Variants in PTPRT observed in about 807,000 individuals in gnomAD.
PTPRT encodes protein tyrosine phosphatase receptor type T.
A neutral mutation model predicts 176.8 loss-of-function variants in PTPRT; 56 were observed. The ratio of observed to expected loss-of-function variants is 0.32; its 90% CI spans 0.26 to 0.40. The LOEUF (loss-of-function observed/expected upper bound fraction) is 0.40, where lower values mean the gene tolerates loss of function less well. Ranked by LOEUF, PTPRT falls within the 10% of genes least tolerant of loss-of-function variation. PTPRT has a pLI of 1.00. For missense variants in PTPRT, 1,540 were observed against 1,908.2 expected (o/e 0.81, Z 3.60); for synonymous variants, 783 against 739.0 (o/e 1.06, Z -0.96).
rs2146077182 is a variant in PTPRT, at chr20:42,079,195, C to G, written c.*1684G>C. ...AAGAAATTAGATGAGACTGGCTTTC[C>G]TGGGGAGCTGGGAATGTGTTACTAA... On this transcript the variant is annotated 3_prime_UTR_variant, in exon 31 of 31. Coordinates refer to ENST00000373187, the MANE Select transcript of PTPRT (RefSeq NM_007050.6). 2 of 205,274 alleles carry G rather than the reference C, an allele frequency of 9.7e-6. No homozygotes were observed. Among genetic ancestry groups the G allele is most frequent in the East Asian group, 1.5e-4 (2 of 13,620 alleles). The allele number at this position is 205,274 out of a possible 1,614,324, so 12.7% of individuals were successfully genotyped here.
intron 7 of PTPRT, among the ~76,000 whole-genome samples, chr20:42,627,167 C>G (rs537526274): frequency 6.6e-6 from 1 of 152,266 alleles, no homozygotes; most frequent in African/African-American, 2.4e-5. Flanking sequence ...TGCTTAAAGT[C>G]TCATAAAATT....
intron 16 of PTPRT, among the ~76,000 whole-genome samples, chr20:42,169,939 A>C (rs1185942894): frequency 1.3e-5 from 2 of 152,166 alleles, no homozygotes; most frequent in African/African-American, 4.8e-5. Flanking sequence ...TACGCCATCA[A>C]GGTGTTCCGA....
chr20:42,231,040 G>A (rs1000765218), intron 15 of PTPRT, among the ~76,000 whole-genome samples: 18 of 152,174 alleles, frequency 1.2e-4, no homozygotes, highest in African/African-American at 3.6e-4. Flanking sequence ...CCTGTGCACA[G>A]CACTGCTTGG....
At chr20:42,642,126 G>A (rs1179445704) in intron 7 of PTPRT, among the ~76,000 whole-genome samples, 1 of 152,188 alleles carries the variant, frequency 6.6e-6, no homozygotes, top group Non-Finnish European at 1.5e-5. Context: ...AGACAAGTGA[G>A]TGCCAAATGG....
intron 1 of PTPRT, among the ~76,000 whole-genome samples, chr20:43,019,367 T>C (rs1265875640): frequency 6.6e-6 from 1 of 152,114 alleles, no homozygotes; most frequent in Non-Finnish European, 1.5e-5. Flanking sequence ...ACACCAGTAA[T>C]CCCAGCACTT....
chr20:42,236,135 G>A (rs1031382306), intron 15 of PTPRT, 94 bp downstream of exon 15: 1 of 1,114,182 alleles, frequency 9.0e-7, no homozygotes, highest in African/African-American at 1.6e-5. Context: ...AAGTGAAAAT[G>A]AGAAACTAAC....
intron 7 of PTPRT, chr20:42,607,702 T>G (rs990084135): frequency 4.6e-5 from 7 of 152,230 alleles, no homozygotes; most frequent in African/African-American, 1.7e-4. Flanking sequence ...AGCCAGGATG[T>G]GAGGGTGATG....
At chr20:43,073,542 C>T (rs1225899425) in intron 1 of PTPRT, among the ~76,000 whole-genome samples, 4 of 151,296 alleles carry the variant, frequency 2.6e-5, no homozygotes. Context: ...GTGTATATAG[C>T]ACATGTGTTT....
At chr20:42,613,980 T>C (rs924132028) in intron 7 of PTPRT, among the ~76,000 whole-genome samples, 1 of 120,764 alleles carries the variant, frequency 8.3e-6, no homozygotes, top group African/African-American at 3.2e-5. Context: ...CAAAGTACCA[T>C]AGACTGGGTG....
chr20:42,638,623 C>T (rs2074664220), intron 7 of PTPRT, among the ~76,000 whole-genome samples: 1 of 152,070 alleles, frequency 6.6e-6, no homozygotes, highest in Non-Finnish European at 1.5e-5. Flanking sequence ...ATAGTACAAA[C>T]CCAAGTTTGA....
At chr20:42,750,128 G>T (rs886182450) in intron 6 of PTPRT, among the ~76,000 whole-genome samples, 1 of 152,176 alleles carries the variant, frequency 6.6e-6, no homozygotes, top group Non-Finnish European at 1.5e-5. Context: ...TCAGAAGAGG[G>T]AGACCTTAAG....
intron 16 of PTPRT, among the ~76,000 whole-genome samples, chr20:42,161,928 C>T (rs1265381790): frequency 6.6e-6 from 1 of 152,086 alleles, no homozygotes; most frequent in African/African-American, 2.4e-5. Flanking sequence ...GTGCCTGATG[C>T]CTGTCTGCAG....
At chr20:42,362,880 C>T (rs1036398271) in intron 9 of PTPRT, among the ~76,000 whole-genome samples, 14 of 151,796 alleles carry the variant, frequency 9.2e-5, no homozygotes, top group South Asian at 6.2e-4. Context: ...CCAAGGGGGA[C>T]GGATCATCTG....
At chr20:42,890,305 C>A (rs2079171171) in intron 1 of PTPRT, among the ~76,000 whole-genome samples, 1 of 152,136 alleles carries the variant, frequency 6.6e-6, no homozygotes, top group South Asian at 2.1e-4. Flanking sequence ...AGTTTTCTGT[C>A]TCCCACATTG....
intron 1 of PTPRT, among the ~76,000 whole-genome samples, chr20:43,139,889 G>T (rs2013949345): frequency 1.3e-5 from 2 of 152,162 alleles, no homozygotes; most frequent in South Asian, 4.1e-4. Context: ...GTACGATAAG[G>T]AGACAAAAGC....
chr20:42,199,909 CT>C (rs1991381298), intron 15 of PTPRT, among the ~76,000 whole-genome samples: 1 of 152,086 alleles, frequency 6.6e-6, no homozygotes, highest in Non-Finnish European at 1.5e-5. Context: ...AAATTTAGAG[CT>C]GAATTGATGC....
intron 6 of PTPRT, among the ~76,000 whole-genome samples, chr20:42,740,925 C>T (rs190955392): frequency 6.6e-6 from 1 of 152,304 alleles, no homozygotes; most frequent in East Asian, 1.9e-4. Context: ...CTATAAACCC[C>T]TTCCAGTACC....
chr20:42,408,604 T>TG (rs1048496163), intron 9 of PTPRT, among the ~76,000 whole-genome samples: 24 of 39,266 alleles, frequency 6.1e-4, no homozygotes, highest in African/African-American at 1.9e-3. Flanking sequence ...ATCTATCCTG[T>TG]GTTTTTTTTT....
chr20:42,827,536 C>A (rs1056645424), intron 2 of PTPRT, among the ~76,000 whole-genome samples: 1 of 152,176 alleles, frequency 6.6e-6, no homozygotes, highest in Admixed American at 6.5e-5. Context: ...ACCAGAATCT[C>A]TGGGATACAG....
Sources: allele counts gnomAD v4.1 joint callset (sites outside exome capture counted in the v4.1 genomes callset), GRCh38; gene constraint gnomAD v4.1.1; transcripts MANE v1.5; gene names NCBI Gene and HGNC (gene_info 2026-07-23, HGNC 2026-07-21).